C12orf42: variants seen among roughly 807,000 people sequenced by gnomAD.
C12orf42 encodes uncharacterized protein C12orf42.
Under a neutral mutation model 21.6 loss-of-function variants are expected in C12orf42, and 25 were observed. That is an observed-to-expected ratio of 1.16 (90% CI 0.84 to 1.62). C12orf42 has a LOEUF of 1.62. C12orf42 is among the 40% of genes most tolerant of loss of function. C12orf42 has a pLI of 0.00. For missense variants in C12orf42, 483 were observed against 459.3 expected (o/e 1.05, Z -0.47); for synonymous variants, 174 against 175.0 (o/e 0.99, Z 0.05).
chr12:103,056,688 A>G, the C12orf42 span, among the ~76,000 whole-genome samples: 1 of 151,812 alleles, frequency 6.6e-6, no homozygotes, highest in Non-Finnish European at 1.5e-5. Flanking sequence ...TTATTGTTTT[A>G]TCTTCCAGAT....
At chr12:103,382,691 G>T (rs1216714292) in intron 3 of C12orf42, among the ~76,000 whole-genome samples, 1 of 152,170 alleles carries the variant, frequency 6.6e-6, no homozygotes. Flanking sequence ...AGAGCAGGTG[G>T]CTAAACTTGC....
intron 10 of C12orf42, among the ~76,000 whole-genome samples, chr12:103,249,058 C>T (rs756967008): frequency 6.6e-4 from 100 of 151,954 alleles, no homozygotes; most frequent in Non-Finnish European, 1.3e-3. Context: ...AAATGTGTTG[C>T]CATAGAGATG....
chr12:103,289,480 G>A (rs1373927133), intron 4 of C12orf42, among the ~76,000 whole-genome samples: 2 of 152,024 alleles, frequency 1.3e-5, no homozygotes, highest in East Asian at 1.9e-4. Flanking sequence ...AATTAGAGGA[G>A]CAGATAACAA....
At chr12:103,318,293 CAAAAAAGT>C (rs2039731863) in intron 4 of C12orf42, among the ~76,000 whole-genome samples, 1 of 151,878 alleles carries the variant, frequency 6.6e-6, no homozygotes, top group South Asian at 2.1e-4. Context: ...CAAAAAAAAA[CAAAAAAGT>C]ATTACAAACA....
intron 4 of C12orf42, among the ~76,000 whole-genome samples, chr12:103,335,954 C>T (rs1472084974): frequency 6.6e-6 from 1 of 152,188 alleles, no homozygotes; most frequent in Non-Finnish European, 1.5e-5. Context: ...ACTATAAACG[C>T]CCTGAGGATA....
intron 3 of C12orf42, among the ~76,000 whole-genome samples, chr12:103,373,235 G>C (rs1003719898): frequency 6.6e-6 from 1 of 152,144 alleles, no homozygotes; most frequent in Non-Finnish European, 1.5e-5. Context: ...CGCACCTCAC[G>C]CCACAGGCCA....
At chr12:103,048,811 G>C in the C12orf42 span, among the ~76,000 whole-genome samples, 1 of 152,050 alleles carries the variant, frequency 6.6e-6, no homozygotes, top group Non-Finnish European at 1.5e-5. Context: ...TAATTATATT[G>C]CGCCCTTATC....
chr12:103,322,649 A>C (rs925711715), intron 4 of C12orf42, among the ~76,000 whole-genome samples: 24 of 152,182 alleles, frequency 1.6e-4, no homozygotes, highest in African/African-American at 5.5e-4. Context: ...GTAATGTCTT[A>C]TCGAAATAAC....
Position 103,478,387 on chromosome 12 carries a change from A to G in C12orf42, c.40T>C (p.Phe14Leu). 1 of 1,604,982 alleles carries G rather than the reference A, an allele frequency of 6.2e-7. No homozygotes were observed. Among genetic ancestry groups the G allele is most frequent in the Non-Finnish European group, 8.5e-7 (1 of 1,174,418 alleles). ...GCAAAAGGTCTGATGGTTAGCAAGA[A>G]TTCTTCTTCCCTTTGTTTCATACAT... ...VICMKQREEE[F>L]LLTIRPFANR... Residue 14 changes from phenylalanine to leucine, a missense_variant, in exon 2 of 6, where the codon TTC becomes CTC. By Grantham distance (22) the Phe-to-Leu change is conservative (BLOSUM62 0). Coordinates refer to ENST00000548883, the MANE Select transcript of C12orf42 (RefSeq NM_198521.5).
chr12:103,079,191 G>A, the C12orf42 span, among the ~76,000 whole-genome samples: 1 of 152,220 alleles, frequency 6.6e-6, no homozygotes, highest in African/African-American at 2.4e-5. Context: ...GGAGCCAATG[G>A]GGTTTGAGTA....
At chr12:103,416,451 A>G (rs1255350086) in intron 2 of C12orf42, among the ~76,000 whole-genome samples, 1 of 152,126 alleles carries the variant, frequency 6.6e-6, no homozygotes, top group Non-Finnish European at 1.5e-5. Context: ...GAGCAACTCC[A>G]CAGAGAGATT....
the C12orf42 span, among the ~76,000 whole-genome samples, chr12:103,517,866 C>A: frequency 2.0e-5 from 3 of 151,934 alleles, no homozygotes; most frequent in African/African-American, 7.3e-5. Flanking sequence ...TGAAAGAAAA[C>A]CCACAGAAAA....
intron 3 of C12orf42, among the ~76,000 whole-genome samples, chr12:103,387,407 A>C (rs2046704544): frequency 1.3e-5 from 2 of 152,324 alleles, no homozygotes; most frequent in South Asian, 2.1e-4. Context: ...ATGCACAGAC[A>C]TGCTCACGCT....
chr12:103,165,661 A>G, the C12orf42 span, among the ~76,000 whole-genome samples: 1 of 152,228 alleles, frequency 6.6e-6, no homozygotes, highest in East Asian at 1.9e-4. Flanking sequence ...GTGCTGTATC[A>G]AGAGCTGTGG....
At chr12:103,098,642 G>A in the C12orf42 span, among the ~76,000 whole-genome samples, 2 of 152,188 alleles carry the variant, frequency 1.3e-5, no homozygotes, top group Admixed American at 1.3e-4. Context: ...CATCTAGAGA[G>A]GTAAAGCCCA....
At chr12:103,440,915 TAC>T (rs1484079352) in intron 2 of C12orf42, among the ~76,000 whole-genome samples, 3 of 152,176 alleles carry the variant, frequency 2.0e-5, no homozygotes, top group African/African-American at 7.2e-5. Flanking sequence ...AACCACAGAG[TAC>T]ACAAGAATTG....
the C12orf42 span, among the ~76,000 whole-genome samples, chr12:103,539,655 C>G: frequency 1.3e-5 from 2 of 152,014 alleles, no homozygotes; most frequent in African/African-American, 2.4e-5. Context: ...TCTCAGCTCA[C>G]TGCAACCTCT....
chr12:103,381,713 C>T (rs887377217), intron 3 of C12orf42, among the ~76,000 whole-genome samples: 5 of 152,054 alleles, frequency 3.3e-5, no homozygotes, highest in South Asian at 4.2e-4. Context: ...GTCAGGAGAT[C>T]GAGACCATCC....
At chr12:103,453,256 G>T (rs1393826680) in intron 2 of C12orf42, among the ~76,000 whole-genome samples, 2 of 151,412 alleles carry the variant, frequency 1.3e-5, no homozygotes, top group African/African-American at 2.4e-5. Flanking sequence ...TTATATAAAG[G>T]TTTATATAAA....
Sources: gnomAD v4.1 joint callset for allele counts (sites outside exome capture counted in the v4.1 genomes callset) on GRCh38, gnomAD v4.1.1 for gene constraint, MANE v1.5 for transcripts, NCBI Gene and HGNC (gene_info 2026-07-23, HGNC 2026-07-21) for gene names.